PKD1L1: variants seen among roughly 807,000 people sequenced by gnomAD.
PKD1L1 encodes the protein polycystin-1-like protein 1.
In PKD1L1, 236 loss-of-function variants were observed where a neutral mutation model predicts 323.4. The observed-to-expected ratio is 0.73, with a 90% confidence interval of 0.66 to 0.81. PKD1L1 has a LOEUF of 0.81. PKD1L1 is among the 40% of genes least tolerant of loss of function. The probability of loss-of-function intolerance (pLI) is 0.00; values close to 1 mark genes in which losing one functional copy is unlikely to be tolerated. For missense variants in PKD1L1, 3,320 were observed against 3,508.0 expected, an observed-to-expected ratio of 0.95 and a Z score of 1.35; for synonymous variants, 1,344 against 1,335.0, an observed-to-expected ratio of 1.01 and a Z score of -0.15.
intron 56 of PKD1L1, among the ~76,000 whole-genome samples, chr7:47,776,523 C>T (rs1786572530): frequency 6.6e-6 from 1 of 152,228 alleles, no homozygotes; most frequent in Non-Finnish European, 1.5e-5. Context: ...CGCATCTCCA[C>T]ACCTGTTTGC....
intron 56 of PKD1L1, 35 bp from the exon 57 acceptor site, chr7:47,775,201 C>T: frequency 6.2e-7 from 1 of 1,613,504 alleles, no homozygotes; most frequent in Admixed American, 1.7e-5. Flanking sequence ...ACTGAAACAA[C>T]ACCCCTCTCT....
rs544026748 is a variant in PKD1L1, at chr7:47,881,986, C to T, written c.3365G>A (p.Arg1122Lys). The T allele has an allele frequency of 1.6e-4, 262 of 1,614,098 alleles. 4 individuals carry two copies. In the South Asian group the frequency reaches 1.7e-3, roughly 10 times the overall value. The change falls in exon 20 of 57, where the codon AGA (arginine) becomes AAA (lysine). Residue 1122 changes from arginine to lysine, a missense_variant. Arg to Lys is a conservative substitution (Grantham distance 26). Transcript: ENST00000289672. ...NLVDPSLSAG[R>K]AEPVLMIDWP... ...GTCAATCATGAGGACAGGCTCGGCT[C>T]TGCCTGCAGACAGGGAGGGGTCCAC...
chr7:47,900,738 T>A (rs1052886255), intron 13 of PKD1L1, among the ~76,000 whole-genome samples: 25 of 151,670 alleles, frequency 1.6e-4, no homozygotes, highest in Admixed American at 5.3e-4. Flanking sequence ...CAAAAATAAA[T>A]AAATAAATAA....
At chr7:47,853,068 A>T in intron 31 of PKD1L1, 59 bp downstream of exon 31, 1 of 1,126,336 alleles carries the variant, frequency 8.9e-7, no homozygotes, top group Non-Finnish European at 1.3e-6. Context: ...TACAAAGGTT[A>T]TAGGGGATGT....
Position 47,893,999 on chromosome 7 carries a change from G to C in PKD1L1, c.2332C>G (p.Gln778Glu), listed in dbSNP as rs1161725179. 1 of 1,612,600 alleles carries C rather than the reference G, an allele frequency of 6.2e-7. No homozygotes were observed. Among genetic ancestry groups the C allele is most frequent in the African/African-American group, 1.3e-5 (1 of 75,004 alleles). ...NYCVGLEVRA[Q>E]APVSVISEGT... The stretch of plus-strand genomic sequence containing the variant: ...TCGGAGATCACACTGACAGGGGCCT[G>C]GGCTCGCACCTCCAGGCCCACACAG... The change falls in exon 15 of 57, where the codon CAG becomes GAG. Residue 778 changes from glutamine to glutamate, a missense_variant. Coordinates refer to ENST00000289672, the MANE Select transcript of PKD1L1 (RefSeq NM_138295.5).
rs769438350 is a variant in PKD1L1 at position 47,846,900 on chromosome 7, G to C, written c.5132C>G (p.Ser1711Cys). 7.5e-6 allele frequency: 12 copies of C among 1,601,724 alleles called. No homozygotes were observed. In the Admixed American group the frequency reaches 8.9e-5, roughly 12 times the overall value. The change falls in exon 32 of 57, where the codon TCT becomes TGT. Residue 1711 changes from serine (S) to cysteine (C), a missense_variant. Coordinates refer to ENST00000289672, the MANE Select transcript of PKD1L1 (RefSeq NM_138295.5). Reference sequence around the variant, plus strand: ...ATACCTGCAGTTCACTTTTTCAGGAGAAGTCCCTGGTTGTGGAGAGAAACG... The same window carrying C: ...ATACCTGCAGTTCACTTTTTCAGGACAAGTCCCTGGTTGTGGAGAGAAACG... Reference protein sequence around the residue: ...SERFSPQPGTSPEKVNCSYHR... With the variant: ...SERFSPQPGTCPEKVNCSYHR...
In PKD1L1 at chr7:47,931,119, G is replaced by T. The variant is rs1287232463; in HGVS notation, c.722C>A (p.Pro241His). 1 of 1,614,016 alleles carries T rather than the reference G, an allele frequency of 6.2e-7. No homozygotes were observed. The highest frequency in any genetic ancestry group is 1.7e-5 in the Admixed American group (1 of 60,020). ...RVPLWPISHF[P>H]TSPRSSHGLP... ...TTCACCGTACCTTCTGGGAGAAGTG[G>T]GAAAATGTGAAATCGGCCACAGGGG... Residue 241 changes from proline (P) to histidine (H), a missense_variant, in exon 6 of 57, where the codon CCC becomes CAC. By Grantham distance (77) the Pro-to-His change is moderately conservative. Transcript: ENST00000289672.
At chr7:47,849,840 T>C (rs1333441546) in intron 31 of PKD1L1, among the ~76,000 whole-genome samples, 1 of 152,146 alleles carries the variant, frequency 6.6e-6, no homozygotes, top group East Asian at 1.9e-4. Flanking sequence ...TACTCAGCCA[T>C]AAGAAGGAAC....
intron 8 of PKD1L1, among the ~76,000 whole-genome samples, chr7:47,908,512 G>A (rs1787255616): frequency 6.6e-6 from 1 of 152,190 alleles, no homozygotes; most frequent in Non-Finnish European, 1.5e-5. Context: ...TTAGCAAGGA[G>A]TCCTGCATTT....
chr7:47,828,924 T>C (rs764916091), intron 44 of PKD1L1, among the ~76,000 whole-genome samples: 12 of 152,214 alleles, frequency 7.9e-5, no homozygotes, highest in Non-Finnish European at 1.3e-4. Flanking sequence ...TCAATGAGCC[T>C]GTGAATGTCT....
At chr7:47,856,561 G>A (rs962851667) in intron 28 of PKD1L1, among the ~76,000 whole-genome samples, 2 of 150,686 alleles carry the variant, frequency 1.3e-5, no homozygotes, top group African/African-American at 4.9e-5. Context: ...GTGTAACAGT[G>A]TAGGCCAGGT....
Position 47,885,708 on chromosome 7 carries a change from GT to G in PKD1L1, c.3182del (p.His1061ProfsTer41), listed in dbSNP as rs1786666266. 1.2e-6 allele frequency: 2 copies of G among 1,613,692 alleles called. No individual in the cohort carries two copies. The highest frequency in any genetic ancestry group is 1.7e-5 in the Admixed American group (1 of 59,996). ...TACCAGAGAGGTGAGGGTCAGGGCTGTGGGTGGGCTGACTTCTCTCAGAGCG... is the reference window on the plus strand; with the variant it reads ...TACCAGAGAGGTGAGGGTCAGGGCTGGGGTGGGCTGACTTCTCTCAGAGCG... Reference protein sequence around the residue: ...TGRSERSQPTHSPDPHLSDFE... With the variant: ...TGRSERSQPTXSPDPHLSDFE... On this transcript the variant is annotated frameshift_variant, in exon 18 of 57. Coordinates refer to ENST00000289672, the MANE Select transcript of PKD1L1 (RefSeq NM_138295.5). LOFTEE classifies it high-confidence loss of function.
At chr7:47,866,732 G>C (rs1786178035) in intron 24 of PKD1L1, 118 bp from the exon 25 acceptor site, 1 of 733,158 alleles carries the variant, frequency 1.4e-6, no homozygotes. Context: ...GGGCAGGGTA[G>C]AAAGAGAATG....
At chr7:47,960,878 A>C in the PKD1L1 span, among the ~76,000 whole-genome samples, 1 of 150,700 alleles carries the variant, frequency 6.6e-6, no homozygotes. Flanking sequence ...CAAAAAGACA[A>C]AAGATTAGCT....
At chr7:47,940,909 T>A (rs1787973483) in intron 2 of PKD1L1, among the ~76,000 whole-genome samples, 1 of 152,154 alleles carries the variant, frequency 6.6e-6, no homozygotes, top group South Asian at 2.1e-4. Flanking sequence ...TGTGAGAGCA[T>A]CTGGAATAGG....
Position 47,839,365 on chromosome 7 carries a change from G to A in PKD1L1, c.5769+81C>T. 1 of 1,138,292 alleles carries A rather than the reference G, an allele frequency of 8.8e-7. No homozygotes were observed. The highest frequency in any genetic ancestry group is 1.3e-6 in the Non-Finnish European group (1 of 791,448). The allele number at this position is 1,138,292 out of a possible 1,614,324, so 70.5% of individuals were successfully genotyped here. On this transcript the variant is annotated intron_variant, in intron 36 of 56. Transcript: ENST00000289672. The surrounding 1 kb of genome is among the most constrained non-coding windows in gnomAD (Gnocchi z 4.3). Reference sequence around the variant, plus strand: ...TTTAGAAGAGTTCAAAGACACAACTGTGGCAAGCGAAGCAGAGACAGGTGC... The same window carrying A: ...TTTAGAAGAGTTCAAAGACACAACTATGGCAAGCGAAGCAGAGACAGGTGC...
chr7:47,960,887 C>G, the PKD1L1 span, among the ~76,000 whole-genome samples: 1 of 138,040 alleles, frequency 7.2e-6, no homozygotes, highest in Non-Finnish European at 1.5e-5. Flanking sequence ...AAAAGATTAG[C>G]TTTGTTTGGG....
At chr7:47,790,338 T>C (rs1185747849) in intron 56 of PKD1L1, among the ~76,000 whole-genome samples, 3 of 151,942 alleles carry the variant, frequency 2.0e-5, no homozygotes, top group African/African-American at 7.3e-5. Context: ...TAAATAATTT[T>C]TTTTTTTTTG....
rs765948320 is a variant in PKD1L1, at chr7:47,893,895, G to A, written c.2436C>T (p.Asp812=). 1.2e-6 allele frequency: 2 copies of A among 1,613,620 alleles called. No individual in the cohort carries two copies. The highest frequency in any genetic ancestry group is 2.2e-5 in the East Asian group (1 of 44,882). Residue 812 remains aspartate, a synonymous_variant, in exon 15 of 57, where the codon GAC becomes GAT. Transcript: ENST00000289672. ...LRGTQSFDPD[D]PGATLRYHWE... is the part of the protein sequence containing the mutation. ...GTGCTCACCTGAGAGTCGCCCCAGG[G>A]TCGTCAGGGTCGAAGGACTGGGTCC... is the stretch of plus-strand genomic sequence containing the variant.
Sources: gnomAD v4.1 joint callset for allele counts (sites outside exome capture counted in the v4.1 genomes callset) on GRCh38, gnomAD v4.1.1 for gene constraint, Gnocchi (gnomAD v3.1) non-coding constraint, MANE v1.5 for transcripts, NCBI Gene and HGNC (gene_info 2026-07-23, HGNC 2026-07-21) for gene names.